Variants in CFAP58 observed in about 807,000 individuals in gnomAD.
The protein encoded by CFAP58 is cilia and flagella associated protein 58, also known as cilia- and flagella-associated protein 58.
CFAP58 carries 88 observed loss-of-function variants against 119.5 expected under a neutral mutation model. The observed-to-expected ratio is 0.74, with a 90% CI of 0.62 to 0.88. The LOEUF is 0.88. Among genes scored for constraint, CFAP58 ranks in the 40% least tolerant of loss-of-function variants. The pLI, the probability that CFAP58 is intolerant of heterozygous loss-of-function variation, is 0.00. For synonymous variants in CFAP58, 365 were observed against 366.3 expected (o/e 1.00, Z 0.04); for missense variants, 990 against 1,021.2 (o/e 0.97, Z 0.42).
intron 15 of CFAP58, among the ~76,000 whole-genome samples, chr10:104,426,798 C>G (rs1210257632): frequency 6.6e-6 from 1 of 152,180 alleles, no homozygotes; most frequent in Admixed American, 6.5e-5. Context: ...ACCTATCATA[C>G]TAAATAGCTT....
At chr10:104,399,943 A>G (rs1477446311) in intron 12 of CFAP58, among the ~76,000 whole-genome samples, 1 of 152,208 alleles carries the variant, frequency 6.6e-6, no homozygotes, top group Non-Finnish European at 1.5e-5. Context: ...AGAAACCCAA[A>G]TGCATAATTT....
At chr10:104,359,783 A>T (rs1346402185) in intron 2 of CFAP58, among the ~76,000 whole-genome samples, 1 of 152,226 alleles carries the variant, frequency 6.6e-6, no homozygotes, top group Non-Finnish European at 1.5e-5. Flanking sequence ...GCAACAGAGC[A>T]AGACTCCGTC....
chr10:104,413,534 C>T (rs142039321), intron 15 of CFAP58, among the ~76,000 whole-genome samples: 271 of 152,266 alleles, frequency 1.8e-3, no homozygotes, highest in African/African-American at 6.0e-3. Flanking sequence ...GCAATGGAAA[C>T]GTACCTGAAG....
At chr10:104,399,984 C>A (rs1265298566) in intron 12 of CFAP58, among the ~76,000 whole-genome samples, 1 of 151,926 alleles carries the variant, frequency 6.6e-6, no homozygotes, top group African/African-American at 2.4e-5. Context: ...CTCTGAGGGA[C>A]CTGGCAGAGA....
intron 8 of CFAP58, among the ~76,000 whole-genome samples, chr10:104,377,577 A>G (rs1374167309): frequency 6.6e-6 from 1 of 152,182 alleles, no homozygotes; most frequent in African/African-American, 2.4e-5. Flanking sequence ...GATTTCTTCC[A>G]GGGAGGAAGA....
At position 104,454,543 on chromosome 10, in the gene CFAP58, G is replaced by T; in HGVS notation, c.*13G>T. ...AATGACGTTCTAACCTGAAGCTGCT[G>T]GCTGTTTCCAGTTGAACAACTCATG... On this transcript the variant is annotated 3_prime_UTR_variant, in exon 18 of 18. Transcript: ENST00000369704. The T allele has an allele frequency of 6.3e-7, 1 of 1,593,816 alleles. No individual in the cohort carries two copies. The highest frequency in any genetic ancestry group is 1.3e-5 in the African/African-American group (1 of 74,540).
At chr10:104,394,593 A>G (rs1468058019) in intron 11 of CFAP58, among the ~76,000 whole-genome samples, 2 of 152,248 alleles carry the variant, frequency 1.3e-5, no homozygotes, top group African/African-American at 4.8e-5. Context: ...ACTACATTAA[A>G]TTAACTTAAA....
intron 15 of CFAP58, among the ~76,000 whole-genome samples, chr10:104,437,679 CAAGTAT>C (rs763517979): frequency 5.3e-5 from 8 of 151,722 alleles, no homozygotes; most frequent in Non-Finnish European, 1.0e-4. Flanking sequence ...GAAAATTGAA[CAAGTAT>C]AAGTATAGGC....
intron 15 of CFAP58, among the ~76,000 whole-genome samples, chr10:104,428,605 C>T (rs2012791243): frequency 6.6e-6 from 1 of 152,140 alleles, no homozygotes; most frequent in Non-Finnish European, 1.5e-5. Flanking sequence ...GGATGACAGG[C>T]ATGAGTGCAA....
chr10:104,362,784 C>T (rs2014689222), intron 3 of CFAP58, among the ~76,000 whole-genome samples: 2 of 152,184 alleles, frequency 1.3e-5, no homozygotes, highest in African/African-American at 4.8e-5. Flanking sequence ...CAAATTTAGG[C>T]TCCTGAAGCA....
At chr10:104,361,136 A>G (rs1214311602) in intron 2 of CFAP58, among the ~76,000 whole-genome samples, 2 of 152,214 alleles carry the variant, frequency 1.3e-5, no homozygotes, top group Non-Finnish European at 1.5e-5. Context: ...CATCCAAATT[A>G]TGTCATGTTG....
chr10:104,346,632 T>TC, the CFAP58 span, among the ~76,000 whole-genome samples: 1 of 136,816 alleles, frequency 7.3e-6, no homozygotes, highest in Non-Finnish European at 1.5e-5. Flanking sequence ...AGCCATTTAG[T>TC]CTTTTTTTTT....
intron 16 of CFAP58, among the ~76,000 whole-genome samples, chr10:104,449,062 GC>G (rs2013153385): frequency 6.6e-6 from 1 of 152,070 alleles, no homozygotes; most frequent in South Asian, 2.1e-4. Context: ...GAGCATGTCT[GC>G]CAGTTTGTCC....
Position 104,368,548 on chromosome 10 carries a change from G to A in CFAP58, c.918G>A (p.Ala306=), listed in dbSNP as rs375362135. ...EQLSQENQQK[A]LELKAKEEEV... is the part of the protein sequence containing the mutation. ...TATCCCAGGAAAACCAACAGAAGGCGTTGGAGCTCAAAGTAAACACCAAGT... is the reference window on the plus strand; with the variant it reads ...TATCCCAGGAAAACCAACAGAAGGCATTGGAGCTCAAAGTAAACACCAAGT... The change falls in exon 6 of 18, where the codon GCG becomes GCA. Residue 306 remains alanine (A), a synonymous_variant. Transcript: ENST00000369704. The A allele has an allele frequency of 3.4e-5, 55 of 1,613,736 alleles. No homozygotes were observed. Among genetic ancestry groups the A allele is most frequent in the African/African-American group, 1.5e-4 (11 of 74,916 alleles).
intron 15 of CFAP58, among the ~76,000 whole-genome samples, chr10:104,437,344 G>T (rs2012951039): frequency 6.6e-6 from 1 of 152,150 alleles, no homozygotes. Context: ...GAAAGTAAAG[G>T]TTGTTGTAAC....
Position 104,429,674 on chromosome 10 carries a change from G to A in CFAP58, c.2257-18024G>A, listed in dbSNP as rs552403883. Among the ~76,000 whole-genome samples, 11 of 152,112 alleles carry A rather than the reference G, an allele frequency of 7.2e-5. No homozygotes were observed. The South Asian group carries it at 1.7e-3, about 23-fold the overall frequency. On this transcript the variant is annotated intron_variant, in intron 15 of 17. Coordinates refer to ENST00000369704, the MANE Select transcript of CFAP58 (RefSeq NM_001008723.2). ...ATTCTGCTAGGTCTCACCCAAATTC[G>A]CTTTCTCTTAAGTAAAAAACAACTC...
the CFAP58 span, among the ~76,000 whole-genome samples, chr10:104,341,728 G>T: frequency 6.6e-6 from 1 of 151,766 alleles, no homozygotes; most frequent in African/African-American, 2.4e-5. Context: ...GCACACCAAA[G>T]AATATTACAT....
intron 13 of CFAP58, among the ~76,000 whole-genome samples, chr10:104,401,592 C>T (rs1218693903): frequency 6.6e-6 from 1 of 152,152 alleles, no homozygotes; most frequent in African/African-American, 2.4e-5. Flanking sequence ...CCTTATTCCC[C>T]ACAGACTTGT....
In CFAP58 at chr10:104,408,422, C is replaced by T. The variant is rs373723441; in HGVS notation, c.2256+1629C>T. On this transcript the variant is annotated intron_variant, in intron 15 of 17. Transcript: ENST00000369704. ...GTCTTGTAAGGATAACCAATTAGTA[C>T]GTGGCACTGGGCTTTGACAGTCCAG... Among the ~76,000 whole-genome samples the T allele has an allele frequency of 1.1e-4, 17 of 152,266 alleles. No homozygotes were observed. In the East Asian group the frequency reaches 2.7e-3, roughly 24 times the overall value.
Sources: allele counts gnomAD v4.1 joint callset (sites outside exome capture counted in the v4.1 genomes callset), GRCh38; gene constraint gnomAD v4.1.1; transcripts MANE v1.5; gene names NCBI Gene and HGNC (gene_info 2026-07-23, HGNC 2026-07-21).